CCDC83: variants seen among roughly 807,000 people sequenced by gnomAD.
CCDC83 encodes the protein coiled-coil domain-containing protein 83.
In CCDC83, 54 loss-of-function variants were observed where a neutral mutation model predicts 50.1. The observed-to-expected ratio is 1.08, with a 90% confidence interval of 0.87 to 1.35. The LOEUF (loss-of-function observed/expected upper bound fraction) is 1.35, where lower values mean the gene tolerates loss of function less well. Among genes scored for constraint, CCDC83 ranks in the 40% most tolerant of loss-of-function variants. The probability of loss-of-function intolerance (pLI) is 0.00; values close to 1 mark genes in which losing one functional copy is unlikely to be tolerated. For missense variants in CCDC83, 518 were observed against 473.9 expected (o/e 1.09, Z -0.86); for synonymous variants, 161 against 153.3 (o/e 1.05, Z -0.37).
At chr11:85,917,160 GAGAGAGAGAAAGAA>G (rs1350643591) in intron 10 of CCDC83, among the ~76,000 whole-genome samples, 10 of 97,496 alleles carry the variant, frequency 1.0e-4, no homozygotes, top group Admixed American at 2.2e-4. Flanking sequence ...GAGAGAGAGA[GAGAGAGAGAAAGAA>G]AGAAAGAAAG....
At chr11:85,891,528 T>C (rs1316511393) in intron 5 of CCDC83, among the ~76,000 whole-genome samples, 2 of 152,190 alleles carry the variant, frequency 1.3e-5, no homozygotes, top group African/African-American at 4.8e-5. Context: ...CATTAGATAA[T>C]TACAGTCACA....
intron 6 of CCDC83, among the ~76,000 whole-genome samples, chr11:85,897,728 A>G (rs1377177868): frequency 1.3e-5 from 2 of 152,238 alleles, no homozygotes; most frequent in Non-Finnish European, 2.9e-5. Context: ...ATGAAATTCT[A>G]TGTTGGAGGA....
intron 1 of CCDC83, among the ~76,000 whole-genome samples, chr11:85,860,296 C>T (rs539811738): frequency 3.1e-3 from 392 of 125,182 alleles, no homozygotes; most frequent in Non-Finnish European, 4.4e-3. Flanking sequence ...AGTGAGACTC[C>T]GTCTCAAAAA....
intron 8 of CCDC83, among the ~76,000 whole-genome samples, chr11:85,911,820 T>C (rs1009755217): frequency 1.5e-4 from 23 of 152,178 alleles, no homozygotes; most frequent in Middle Eastern, 3.2e-3. Context: ...CTGTGGATTG[T>C]AGAATTATTT....
intron 1 of CCDC83, among the ~76,000 whole-genome samples, chr11:85,863,106 G>A (rs867769065): frequency 3.3e-5 from 5 of 152,324 alleles, no homozygotes; most frequent in Admixed American, 2.0e-4. Context: ...GGTAAAAACC[G>A]TAACACTTGA....
chr11:85,861,998 T>TA (rs34372795), intron 1 of CCDC83, among the ~76,000 whole-genome samples: 8,057 of 94,506 alleles, frequency 0.085, 399 homozygotes, highest in African/African-American at 0.1. Flanking sequence ...CCTGTCTCAT[T>TA]AAAAAAAAAA....
chr11:85,890,236 G>A (rs2093345387), intron 5 of CCDC83, among the ~76,000 whole-genome samples: 1 of 152,192 alleles, frequency 6.6e-6, no homozygotes, highest in Non-Finnish European at 1.5e-5. Context: ...TAACCGCACT[G>A]ACAGCAGAAC....
chr11:85,892,472 T>G (rs7108027), intron 5 of CCDC83, among the ~76,000 whole-genome samples: 2,704 of 152,284 alleles, frequency 0.018, 92 homozygotes, highest in African/African-American at 0.061. Context: ...GTCCATACAC[T>G]TTTATATGGA....
chr11:85,883,860 T>C (rs919553779), intron 4 of CCDC83, among the ~76,000 whole-genome samples: 3 of 152,180 alleles, frequency 2.0e-5, no homozygotes, highest in Non-Finnish European at 4.4e-5. Flanking sequence ...CAAACATCAA[T>C]AGGCAAGTTT....
intron 3 of CCDC83, among the ~76,000 whole-genome samples, chr11:85,874,027 G>A (rs2093255367): frequency 6.6e-6 from 1 of 152,170 alleles, no homozygotes. Flanking sequence ...TCAGAGACCT[G>A]AGTTTGCATC....
At chr11:85,893,881 A>G (rs2093360940) in intron 5 of CCDC83, among the ~76,000 whole-genome samples, 1 of 152,100 alleles carries the variant, frequency 6.6e-6, no homozygotes, top group South Asian at 2.1e-4. Flanking sequence ...TTAACCAGCA[A>G]TATTTGCAGT....
At chr11:85,885,136 C>A (rs1215100790) in intron 4 of CCDC83, among the ~76,000 whole-genome samples, 2 of 152,000 alleles carry the variant, frequency 1.3e-5, no homozygotes, top group African/African-American at 4.8e-5. Context: ...ATCACTTGAA[C>A]CTGGGAGGTG....
At chr11:85,858,558 CA>C (rs2093156097) in intron 1 of CCDC83, among the ~76,000 whole-genome samples, 1 of 152,192 alleles carries the variant, frequency 6.6e-6, no homozygotes, top group Admixed American at 6.5e-5. Context: ...CCAAGTGTGG[CA>C]GGGGGAATTG....
At chr11:85,905,092 T>C (rs530529086) in intron 7 of CCDC83, among the ~76,000 whole-genome samples, 1 of 151,314 alleles carries the variant, frequency 6.6e-6, no homozygotes, top group East Asian at 2.0e-4. Context: ...AGGTCAAGAA[T>C]TCGAGACCAG....
intron 6 of CCDC83, among the ~76,000 whole-genome samples, chr11:85,896,381 A>T (rs921119768): frequency 2.7e-5 from 4 of 148,164 alleles, no homozygotes; most frequent in Non-Finnish European, 4.5e-5. Flanking sequence ...AGCATGGGCA[A>T]CAAAGTGAGA....
chr11:85,869,662 G>A (rs1219342115), intron 2 of CCDC83, among the ~76,000 whole-genome samples: 1 of 152,196 alleles, frequency 6.6e-6, no homozygotes, highest in East Asian at 1.9e-4. Flanking sequence ...CTGCTTTAAT[G>A]TATATTGCTT....
intron 1 of CCDC83, among the ~76,000 whole-genome samples, chr11:85,863,200 T>C (rs1020280160): frequency 3.3e-5 from 5 of 152,344 alleles, no homozygotes; most frequent in East Asian, 1.9e-4. Flanking sequence ...TATTACTAAA[T>C]GGTAAGTTAT....
chr11:85,886,971 C>T (rs1353543151), intron 5 of CCDC83, among the ~76,000 whole-genome samples: 1 of 152,066 alleles, frequency 6.6e-6, no homozygotes, highest in African/African-American at 2.4e-5. Context: ...CACACTGGGA[C>T]AGAAGCAATT....
At chr11:85,886,471 T>A in intron 5 of CCDC83, 104 bp downstream of exon 5, 1 of 892,880 alleles carries the variant, frequency 1.1e-6, no homozygotes, top group Non-Finnish European at 1.6e-6. Flanking sequence ...TTCATTACTC[T>A]GCTGTCAGCA....
Sources: gnomAD v4.1 joint callset for allele counts (sites outside exome capture counted in the v4.1 genomes callset) on GRCh38, gnomAD v4.1.1 for gene constraint, MANE v1.5 for transcripts, NCBI Gene and HGNC (gene_info 2026-07-23, HGNC 2026-07-21) for gene names.